Variants in SLC24A4 observed in about 807,000 individuals in gnomAD.
SLC24A4 encodes solute carrier family 24 member 4.
Under a neutral mutation model 79.0 loss-of-function variants are expected in SLC24A4, and 53 were observed. The observed-to-expected ratio is 0.67, with a 90% CI of 0.54 to 0.84. The LOEUF (loss-of-function observed/expected upper bound fraction) is 0.84. Ranked by LOEUF, SLC24A4 falls within the 40% of genes least tolerant of loss-of-function variation. SLC24A4 has a pLI of 0.00. For missense variants in SLC24A4, 731 were observed against 822.0 expected (o/e 0.89, Z 1.35); for synonymous variants, 323 against 323.8 (o/e 1.00, Z 0.03).
intron 2 of SLC24A4, among the ~76,000 whole-genome samples, chr14:92,433,227 G>A (rs189177988): frequency 1.3e-5 from 2 of 152,148 alleles, no homozygotes; most frequent in Non-Finnish European, 2.9e-5. Context: ...GTTCATGAGC[G>A]TGCTTATCTG....
chr14:92,497,170 CG>C lies in SLC24A4; in HGVS notation c.*3544del, dbSNP rs1895957950. 6.6e-6 allele frequency: 1 copy of C among 152,278 alleles called. No homozygotes were observed. The allele number at this position is 152,278 out of a possible 1,614,324, so 9.4% of individuals were successfully genotyped here. A position where few individuals can be genotyped will look rare whatever the true frequency, so the allele number is the denominator to read the frequency against. ...GACTGTTTCTTGCTTTTGCCCCTGT[CG>C]GTCCCCTGCCTTAACAGACCTAAGC... On this transcript the variant is annotated 3_prime_UTR_variant, in exon 17 of 17. Coordinates refer to ENST00000532405, the MANE Select transcript of SLC24A4 (RefSeq NM_153646.4).
chr14:92,444,146 C>T lies in SLC24A4; in HGVS notation c.657+672C>T, dbSNP rs956509515. On this transcript the variant is annotated intron_variant, in intron 7 of 16. Transcript: ENST00000532405. Reference sequence around the variant, plus strand: ...ACACCCCCCAAAAAATAGATGTCTGCGATGATTCTACAGATAAAACAATCT... The same window carrying T: ...ACACCCCCCAAAAAATAGATGTCTGTGATGATTCTACAGATAAAACAATCT... 3.3e-5 allele frequency among the ~76,000 whole-genome samples: 5 copies of T among 151,938 alleles called. No homozygotes were observed. In the East Asian group the frequency reaches 7.7e-4, roughly 23 times the overall value.
chr14:92,460,043 C>T (rs922526692), intron 12 of SLC24A4, among the ~76,000 whole-genome samples: 1 of 152,084 alleles, frequency 6.6e-6, no homozygotes, highest in African/African-American at 2.4e-5. Flanking sequence ...CCAGGGGCCG[C>T]GGGAAGAGGG....
chr14:92,484,184 C>T, intron 13 of SLC24A4: 1 of 985,374 alleles, frequency 1.0e-6, no homozygotes, highest in South Asian at 4.7e-5. Flanking sequence ...TCCCCCATCT[C>T]TCCCAGAGCA....
chr14:92,355,825 G>A (rs991202082), intron 2 of SLC24A4, among the ~76,000 whole-genome samples: 8 of 152,164 alleles, frequency 5.3e-5, no homozygotes, highest in Middle Eastern at 3.2e-3. Context: ...GTGGTAGCTC[G>A]GCAAGTGGGT....
At chr14:92,365,183 A>G (rs1215984684) in intron 2 of SLC24A4, among the ~76,000 whole-genome samples, 1 of 152,252 alleles carries the variant, frequency 6.6e-6, no homozygotes, top group African/African-American at 2.4e-5. Flanking sequence ...CCGGAGGGCA[A>G]GGACTGTGTG....
chr14:92,390,160 C>T (rs1213202331), intron 2 of SLC24A4, among the ~76,000 whole-genome samples: 1 of 152,120 alleles, frequency 6.6e-6, no homozygotes, highest in African/African-American at 2.4e-5. Context: ...AGGCCTGTGT[C>T]CCCTCCAGAG....
chr14:92,392,796 G>A (rs575214352), intron 2 of SLC24A4, among the ~76,000 whole-genome samples: 1 of 146,028 alleles, frequency 6.8e-6, no homozygotes, highest in African/African-American at 2.4e-5. Context: ...ACTGTGTGAG[G>A]TCACATGGGA....
chr14:92,379,857 C>G (rs575035554), intron 2 of SLC24A4, among the ~76,000 whole-genome samples: 1 of 152,322 alleles, frequency 6.6e-6, no homozygotes, highest in Admixed American at 6.5e-5. Context: ...CCTACCACGC[C>G]TGGGGCTGAA....
chr14:92,493,461 A>G lies in SLC24A4; in HGVS notation c.1717-15A>G, dbSNP rs748932090. On this transcript the variant is annotated splice_polypyrimidine_tract_variant and intron_variant, in intron 16 of 16. Coordinates refer to ENST00000532405, the MANE Select transcript of SLC24A4 (RefSeq NM_153646.4). Reference sequence around the variant, plus strand: ...TTTGCCCTGCAAGCCCAGTTCCCACACTCTGTCCTCCCAGGTCCTCGGCAT... The same window carrying G: ...TTTGCCCTGCAAGCCCAGTTCCCACGCTCTGTCCTCCCAGGTCCTCGGCAT... The G allele has an allele frequency of 1.2e-6, 2 of 1,613,514 alleles. No individual in the cohort carries two copies. The highest frequency in any genetic ancestry group is 3.3e-5 in the Admixed American group (2 of 59,976).
chr14:92,342,363 C>CATTA (rs377654077), intron 2 of SLC24A4, among the ~76,000 whole-genome samples: 12 of 137,848 alleles, frequency 8.7e-5, no homozygotes, highest in African/African-American at 3.0e-4. Flanking sequence ...TTTTTTTCCC[C>CATTA]ATTTATTTAT....
chr14:92,449,299 C>G, intron 10 of SLC24A4, 83 bp downstream of exon 10: 2 of 1,255,822 alleles, frequency 1.6e-6, no homozygotes, highest in Non-Finnish European at 1.1e-6. Context: ...CACACACACA[C>G]ACACACACAC....
intron 2 of SLC24A4, 49 bp from the exon 3 acceptor site, chr14:92,433,863 G>C (rs766036977): frequency 6.6e-7 from 1 of 1,508,698 alleles, no homozygotes; most frequent in Admixed American, 1.7e-5. Flanking sequence ...GAGGTTTGTC[G>C]GGAGGCCCAT....
intron 2 of SLC24A4, among the ~76,000 whole-genome samples, chr14:92,389,979 G>T (rs529932147): frequency 6.6e-6 from 1 of 152,244 alleles, no homozygotes; most frequent in South Asian, 2.1e-4. Context: ...CTTCTGCTCA[G>T]TTCTGATGCC....
At chr14:92,426,484 A>G (rs907286395) in intron 2 of SLC24A4, among the ~76,000 whole-genome samples, 24 of 152,192 alleles carry the variant, frequency 1.6e-4, no homozygotes, top group African/African-American at 5.6e-4. Context: ...AGCTGTAGAA[A>G]TTCTATAGTG....
rs74693621 is a variant in SLC24A4 at position 92,360,854 on chromosome 14, C to T, written c.241+34876C>T. On this transcript the variant is annotated intron_variant, in intron 2 of 16. Transcript: ENST00000532405. ...ACACAGCCACGTTACCACGGAGGCT[C>T]CTCTCAGGGTTTCTACGAAACCGAA... Among the ~76,000 whole-genome samples, 41 of 152,318 alleles carry T rather than the reference C, an allele frequency of 2.7e-4. 1 individual carries two copies. The East Asian group carries it at 7.7e-3, about 29-fold the overall frequency.
chr14:92,390,706 G>T (rs1461635386), intron 2 of SLC24A4, among the ~76,000 whole-genome samples: 1 of 152,090 alleles, frequency 6.6e-6, no homozygotes, highest in Admixed American at 6.5e-5. Flanking sequence ...CACCAAACAG[G>T]CCGGCTGGCA....
chr14:92,491,661 G>A lies in SLC24A4; in HGVS notation c.1538-4G>A, dbSNP rs754178608. ...TAAAATAAATGTGTTGTTGTCCCCT[G>A]CAGGCCTTGGGGACATGGCAGTCTC... On this transcript the variant is annotated splice_polypyrimidine_tract_variant and splice_region_variant and intron_variant, in intron 14 of 16. Transcript: ENST00000532405. The A allele has an allele frequency of 6.9e-6, 11 of 1,597,752 alleles. No individual in the cohort carries two copies. The South Asian group carries it at 7.7e-5, about 11-fold the overall frequency.
chr14:92,381,434 C>T lies in SLC24A4; in HGVS notation c.242-52478C>T, dbSNP rs139217789. ...CATCATACCCTGGGGCCTGTCAGGACGGTGGGGAAAGGGGAGGGAGAGCAT... is the reference window on the plus strand; with the variant it reads ...CATCATACCCTGGGGCCTGTCAGGATGGTGGGGAAAGGGGAGGGAGAGCAT... On this transcript the variant is annotated intron_variant, in intron 2 of 16. Transcript: ENST00000532405. Among the ~76,000 whole-genome samples, 523 of 151,966 alleles carry T rather than the reference C, an allele frequency of 3.4e-3. 6 individuals are homozygous for T. Among genetic ancestry groups the T allele is most frequent in the African/African-American group, 0.012 (503 of 41,426 alleles).
Sources: allele counts gnomAD v4.1 joint callset (sites outside exome capture counted in the v4.1 genomes callset), GRCh38; gene constraint gnomAD v4.1.1; transcripts MANE v1.5; gene names NCBI Gene and HGNC (gene_info 2026-07-23, HGNC 2026-07-21).